Variants in EGFL6 observed in about 807,000 individuals in gnomAD.
EGFL6 encodes epidermal growth factor-like protein 6.
In EGFL6, 42 loss-of-function variants were observed where a neutral mutation model predicts 43.1. The ratio of observed to expected loss-of-function variants is 0.98; its 90% confidence interval spans 0.76 to 1.26. EGFL6 has a LOEUF of 1.26. Ranked by LOEUF, EGFL6 falls within the 50% of genes most tolerant of loss-of-function variation. The pLI, the probability that EGFL6 is intolerant of heterozygous loss-of-function variation, is 0.00. For missense variants in EGFL6, 429 were observed against 427.8 expected (o/e 1.00, Z -0.02); for synonymous variants, 164 against 163.2 (o/e 1.01, Z -0.04).
At position 13,573,375 on chromosome X, in the gene EGFL6, G is replaced by A. The variant is rs1485714310; in HGVS notation, c.74+3440G>A. Among the ~76,000 whole-genome samples, 3 of 112,013 alleles carry A rather than the reference G, an allele frequency of 2.7e-5. No individual in the cohort carries two copies. The East Asian group carries it at 8.4e-4, about 31-fold the overall frequency. ...TTATTCTTCAAGCTGTAATTTGTGA[G>A]AATGTACCCAAAACTAAAGAGCTGT... is the stretch of plus-strand genomic sequence containing the variant. On this transcript the variant is annotated intron_variant, in intron 1 of 11. Transcript: ENST00000361306.
chrX:13,589,708 G>A (rs770874084), intron 2 of EGFL6, 40 bp downstream of exon 2: 1 of 1,117,907 alleles, frequency 8.9e-7, no homozygotes, highest in South Asian at 2.0e-5. Flanking sequence ...TTGGATCAGG[G>A]CCCTTAGGTT....
At chrX:13,607,126 T>C (rs979877060) in intron 6 of EGFL6, among the ~76,000 whole-genome samples, 1 of 111,822 alleles carries the variant, frequency 8.9e-6, no homozygotes, top group Non-Finnish European at 1.9e-5. Context: ...GAAATAAATA[T>C]TTTATTCCTT....
intron 1 of EGFL6, among the ~76,000 whole-genome samples, chrX:13,589,023 G>C (rs1370413913): frequency 1.8e-5 from 2 of 112,194 alleles, no homozygotes; most frequent in Non-Finnish European, 3.8e-5. Context: ...ACCCAGCTCT[G>C]CTGGGGATGT....
chrX:13,577,435 G>A (rs1258707751), intron 1 of EGFL6, among the ~76,000 whole-genome samples: 2 of 102,532 alleles, frequency 2.0e-5, no homozygotes, highest in Non-Finnish European at 3.9e-5. Flanking sequence ...AGTTTATATA[G>A]GGTGTATATA....
Position 13,627,365 on chromosome X carries a change from G to T in EGFL6, c.1551+89G>T, listed in dbSNP as rs1301056155. ...AACAAAACATTTACTGAAGTATGTA[G>T]GCATTAAGGATACAACGATAAGACT... On this transcript the variant is annotated intron_variant, in intron 11 of 11. Transcript: ENST00000361306. 5 of 1,074,146 alleles carry T rather than the reference G, an allele frequency of 4.7e-6. No individual in the cohort carries two copies. The African/African-American group carries it at 9.3e-5, about 20-fold the overall frequency. The allele number at this position is 1,074,146 out of a possible 1,213,427, so 88.5% of individuals were successfully genotyped here. A position where few individuals can be genotyped will look rare whatever the true frequency, so the allele number is the denominator to read the frequency against.
At chrX:13,614,098 C>T (rs1022181612) in intron 7 of EGFL6, among the ~76,000 whole-genome samples, 1 of 112,155 alleles carries the variant, frequency 8.9e-6, no homozygotes, top group Non-Finnish European at 1.9e-5. Context: ...CTGTTCTTAT[C>T]CCAATTTTAT....
At chrX:13,589,780 C>A in intron 2 of EGFL6, 112 bp downstream of exon 2, 1 of 538,939 alleles carries the variant, frequency 1.9e-6, no homozygotes, top group Non-Finnish European at 2.9e-6. Flanking sequence ...CAAGGACATG[C>A]ATAACTACCA....
chrX:13,632,297 G>GTTTTTTTTTT (rs1158372735), intron 11 of EGFL6, among the ~76,000 whole-genome samples: 1 of 81,177 alleles, frequency 1.2e-5, no homozygotes, highest in Non-Finnish European at 2.3e-5. Context: ...TTGTTTTTTG[G>GTTTTTTTTTT]TTTTTTTTTT....
intron 2 of EGFL6, among the ~76,000 whole-genome samples, chrX:13,593,654 G>C (rs2045579375): frequency 8.9e-6 from 1 of 111,996 alleles, no homozygotes; most frequent in Non-Finnish European, 1.9e-5. Context: ...CATCTTCCAA[G>C]TATCTGTGGG....
intron 6 of EGFL6, among the ~76,000 whole-genome samples, chrX:13,607,564 C>T (rs746554149): frequency 9.0e-6 from 1 of 111,583 alleles, no homozygotes; most frequent in East Asian, 2.8e-4. Flanking sequence ...CCCAGTAATC[C>T]TATGATGCTG....
In EGFL6 at chrX:13,594,899, C is replaced by T; in HGVS notation, c.251C>T (p.Pro84Leu). Reference protein sequence around the residue: ...CVGPNKCRCFPGYTGKTCSQD... With the variant: ...CVGPNKCRCFLGYTGKTCSQD... ...GGACCAAACAAATGCAGATGCTTTC[C>T]AGGATACACCGGGAAAACCTGCAGT... is the stretch of plus-strand genomic sequence containing the variant. Residue 84 changes from proline (P) to leucine (L), a missense_variant, in exon 3 of 12, where the codon CCA (proline) becomes CTA (leucine). Physicochemically the swap from Pro to Leu is moderately conservative, Grantham distance 98. Transcript: ENST00000361306. The T allele has an allele frequency of 8.3e-7, 1 of 1,209,837 alleles. No homozygotes were observed. The highest frequency in any genetic ancestry group is 1.7e-5 in the African/African-American group (1 of 57,760).
At chrX:13,613,167 T>TATATATATATATATGTC (rs1184568670) in intron 7 of EGFL6, among the ~76,000 whole-genome samples, 3 of 101,834 alleles carry the variant, frequency 2.9e-5, no homozygotes, top group African/African-American at 1.2e-4. Context: ...CATATATATA[T>TATATATATATATATGTC]ATATATATAT....
chrX:13,621,509 G>C (rs2045748464), intron 9 of EGFL6, among the ~76,000 whole-genome samples: 1 of 112,094 alleles, frequency 8.9e-6, no homozygotes, highest in African/African-American at 3.2e-5. Context: ...GACAAGACAG[G>C]GGAAGCCTGA....
chrX:13,581,439 A>T (rs2045505359), intron 1 of EGFL6, among the ~76,000 whole-genome samples: 1 of 105,516 alleles, frequency 9.5e-6, no homozygotes, highest in African/African-American at 4.0e-5. Context: ...GAGCTATGAT[A>T]AAAAAAATAA....
intron 9 of EGFL6, among the ~76,000 whole-genome samples, chrX:13,621,062 T>C (rs767909303): frequency 5.2e-4 from 59 of 112,461 alleles, no homozygotes; most frequent in Non-Finnish European, 1.1e-3. Context: ...CTTTCATACA[T>C]AAAATTGGAA....
Position 13,599,972 on chromosome X carries a change from C to T in EGFL6, c.281-3C>T. 1.7e-6 allele frequency: 2 copies of T among 1,209,767 alleles called. No individual in the cohort carries two copies. The highest frequency in any genetic ancestry group is 1.1e-6 in the Non-Finnish European group (1 of 894,250). On this transcript the variant is annotated splice_polypyrimidine_tract_variant and splice_region_variant and intron_variant, in intron 3 of 11. Transcript: ENST00000361306. ...TTTCCCTGTTTTCTAAATGTCCCTGCAGATGTGAATGAGTGTGGAATGAAA... is the reference window on the plus strand; with the variant it reads ...TTTCCCTGTTTTCTAAATGTCCCTGTAGATGTGAATGAGTGTGGAATGAAA...
At chrX:13,580,488 G>A (rs1779788080) in intron 1 of EGFL6, among the ~76,000 whole-genome samples, 1 of 111,309 alleles carries the variant, frequency 9.0e-6, no homozygotes, top group African/African-American at 3.3e-5. Flanking sequence ...ATCCAAACTG[G>A]CTCAAGCCAA....
At chrX:13,596,696 C>G (rs775777335) in intron 3 of EGFL6, 2 of 111,474 alleles carry the variant, frequency 1.8e-5, no homozygotes, top group Non-Finnish European at 3.8e-5. Context: ...CAGCTGGAAT[C>G]TTGTATTTTT....
Position 13,603,321 on chromosome X carries a change from T to G in EGFL6, c.405T>G (p.Ser135=), listed in dbSNP as rs1239817244. The G allele has an allele frequency of 1.7e-6, 2 of 1,205,469 alleles. No homozygotes were observed. The highest frequency in any genetic ancestry group is 4.5e-5 in the Admixed American group (2 of 44,766). Residue 135 remains serine, a synonymous_variant, in exon 5 of 12, where the codon TCT becomes TCG. Coordinates refer to ENST00000361306, the MANE Select transcript of EGFL6 (RefSeq NM_015507.4). ...MLMPDATCVN[S]RTCAMINCQY... ...AATCCTTGTCTACTTTTTCAGACTC[T>G]AGGACATGTGCCATGATAAACTGTC...
Sources: gnomAD v4.1 joint callset for allele counts (sites outside exome capture counted in the v4.1 genomes callset) on GRCh38, gnomAD v4.1.1 for gene constraint, MANE v1.5 for transcripts, NCBI Gene and HGNC (gene_info 2026-07-23, HGNC 2026-07-21) for gene names.